Variants in ELMO1 observed in about 807,000 individuals in gnomAD.
ELMO1 encodes engulfment and cell motility protein 1.
A neutral mutation model predicts 98.9 loss-of-function variants in ELMO1; 26 were observed. The observed-to-expected ratio is 0.26, with a 90% confidence interval of 0.19 to 0.36. The LOEUF (loss-of-function observed/expected upper bound fraction) is 0.36. Among genes scored for constraint, ELMO1 ranks in the 10% least tolerant of loss-of-function variants. The probability of loss-of-function intolerance (pLI) is 1.00; values close to 1 mark genes in which losing one functional copy is unlikely to be tolerated. For missense variants in ELMO1, 627 were observed against 935.2 expected (o/e 0.67, Z 4.30); for synonymous variants, 346 against 346.0 (o/e 1.00, Z 0.00).
intron 13 of ELMO1, among the ~76,000 whole-genome samples, chr7:37,193,438 C>T (rs1791767392): frequency 6.6e-6 from 1 of 152,090 alleles, no homozygotes; most frequent in South Asian, 2.1e-4. Flanking sequence ...GTTATATAAG[C>T]AGGGATGGAG....
intron 4 of ELMO1, among the ~76,000 whole-genome samples, chr7:37,309,643 C>T (rs560096349): frequency 1.3e-5 from 2 of 152,304 alleles, no homozygotes; most frequent in Admixed American, 6.5e-5. Flanking sequence ...AGTTTGCTCA[C>T]ATTAAAATGC....
intron 8 of ELMO1, among the ~76,000 whole-genome samples, chr7:37,227,697 T>C (rs1432809143): frequency 6.6e-6 from 1 of 152,218 alleles, no homozygotes; most frequent in African/African-American, 2.4e-5. Context: ...ACACTCAGTG[T>C]TTTCTGATAT....
At chr7:36,933,651 C>T (rs938553358) in intron 16 of ELMO1, among the ~76,000 whole-genome samples, 2 of 152,300 alleles carry the variant, frequency 1.3e-5, no homozygotes, top group Middle Eastern at 6.8e-3. Flanking sequence ...GGATGAAGGG[C>T]AACCCAGTGG....
chr7:37,128,210 A>C (rs926029765), intron 14 of ELMO1, among the ~76,000 whole-genome samples: 1 of 152,068 alleles, frequency 6.6e-6, no homozygotes, highest in African/African-American at 2.4e-5. Flanking sequence ...CAAACAAACA[A>C]ACAAAAAACA....
At chr7:36,973,757 G>A (rs1790196248) in intron 16 of ELMO1, among the ~76,000 whole-genome samples, 2 of 152,210 alleles carry the variant, frequency 1.3e-5, no homozygotes. Context: ...AGAGGCGCGA[G>A]CGGGAACCGG....
chr7:37,106,386 C>T (rs1305823816), intron 14 of ELMO1, among the ~76,000 whole-genome samples: 1 of 152,126 alleles, frequency 6.6e-6, no homozygotes, highest in Non-Finnish European at 1.5e-5. Context: ...CACTTGCCCT[C>T]TGTCCCTTCT....
chr7:36,881,880 A>G (rs1804492904), intron 18 of ELMO1, among the ~76,000 whole-genome samples: 1 of 152,164 alleles, frequency 6.6e-6, no homozygotes, highest in Non-Finnish European at 1.5e-5. Context: ...CAAATTATAA[A>G]TTTTCTTTCA....
intron 12 of ELMO1, 105 bp downstream of exon 12, chr7:37,213,230 A>T: frequency 2.8e-6 from 4 of 1,416,274 alleles, no homozygotes; most frequent in Non-Finnish European, 2.9e-6. Flanking sequence ...AAATGACATC[A>T]TATCAAACTC....
chr7:37,322,622 CAAAA>C (rs574986239), intron 2 of ELMO1, among the ~76,000 whole-genome samples: 1 of 128,798 alleles, frequency 7.8e-6, no homozygotes. Flanking sequence ...ACTCTCTCTC[CAAAA>C]AAAAAAAAAA....
intron 19 of ELMO1, among the ~76,000 whole-genome samples, chr7:36,872,030 T>C (rs906227639): frequency 6.6e-6 from 1 of 152,236 alleles, no homozygotes; most frequent in Admixed American, 6.5e-5. Context: ...ACATTACTTG[T>C]AGTTATGAAT....
intron 13 of ELMO1, among the ~76,000 whole-genome samples, chr7:37,154,536 C>T (rs781495904): frequency 4.6e-5 from 7 of 152,000 alleles, no homozygotes; most frequent in East Asian, 1.9e-4. Flanking sequence ...CTTCAATAGC[C>T]GATTTGATCA....
intron 16 of ELMO1, among the ~76,000 whole-genome samples, chr7:36,963,898 C>T (rs1789181115): frequency 6.6e-6 from 1 of 152,194 alleles, no homozygotes; most frequent in Admixed American, 6.5e-5. Context: ...ACTCTTTCCC[C>T]TCACCTGGAA....
intron 1 of ELMO1, among the ~76,000 whole-genome samples, chr7:37,440,768 C>A (rs1464731884): frequency 7.2e-4 from 94 of 129,886 alleles, no homozygotes; most frequent in Admixed American, 1.2e-3. Context: ...GACTCCATCT[C>A]AAAAAAAAAA....
chr7:37,253,221 T>C (rs1180837515), intron 6 of ELMO1, among the ~76,000 whole-genome samples: 2 of 152,186 alleles, frequency 1.3e-5, no homozygotes, highest in Non-Finnish European at 2.9e-5. Flanking sequence ...GCAATCCCAT[T>C]ACTGGGTATA....
intron 1 of ELMO1, among the ~76,000 whole-genome samples, chr7:37,420,792 A>G (rs561507211): frequency 6.6e-6 from 1 of 152,358 alleles, no homozygotes; most frequent in East Asian, 1.9e-4. Flanking sequence ...AGCTTTTAGC[A>G]TTAACTACAG....
intron 16 of ELMO1, chr7:36,985,029 AAG>A: frequency 1.0e-6 from 1 of 985,380 alleles, no homozygotes. Context: ...CCTACAGGCA[AAG>A]AGTTTCTCGT....
At chr7:36,952,843 G>C (rs2129107105) in intron 16 of ELMO1, among the ~76,000 whole-genome samples, 1 of 152,184 alleles carries the variant, frequency 6.6e-6, no homozygotes, top group East Asian at 1.9e-4. Context: ...TCATCTCCTG[G>C]AGGAGACAGA....
chr7:36,911,780 C>T (rs1427367671), intron 16 of ELMO1, among the ~76,000 whole-genome samples: 2 of 152,118 alleles, frequency 1.3e-5, no homozygotes, highest in African/African-American at 4.8e-5. Flanking sequence ...TCTCAAGAGC[C>T]CACCTCCCTT....
intron 12 of ELMO1, among the ~76,000 whole-genome samples, chr7:37,212,879 A>C (rs1197074384): frequency 6.6e-6 from 1 of 152,158 alleles, no homozygotes. Context: ...GCCAACCGAC[A>C]GAAATGCTGG....
Sources: gnomAD v4.1 joint callset for allele counts (sites outside exome capture counted in the v4.1 genomes callset) on GRCh38, gnomAD v4.1.1 for gene constraint, MANE v1.5 for transcripts, NCBI Gene and HGNC (gene_info 2026-07-23, HGNC 2026-07-21) for gene names.